Variants in ST6GALNAC3 observed in about 807,000 individuals in gnomAD.
ST6GALNAC3 encodes ST6 N-acetylgalactosaminide alpha-2,6-sialyltransferase 3.
A neutral mutation model predicts 32.7 loss-of-function variants in ST6GALNAC3; 25 were observed. The observed-to-expected ratio is 0.76, with a 90% CI of 0.56 to 1.07. The LOEUF (loss-of-function observed/expected upper bound fraction) is 1.07. ST6GALNAC3 is among the 50% of genes least tolerant of loss of function. ST6GALNAC3 has a pLI of 0.00. For synonymous variants in ST6GALNAC3, 129 were observed against 133.1 expected, an observed-to-expected ratio of 0.97 and a Z score of 0.21; for missense variants, 355 against 382.4, an observed-to-expected ratio of 0.93 and a Z score of 0.60.
In ST6GALNAC3 at chr1:76,632,077, C is replaced by CAT. The variant is rs1200895669; in HGVS notation, c.*3272_*3273dup. ...GTGTGTGTGAACGCACATATATATA[C>CAT]ATCTATATACTTATAACTATATATA... On this transcript the variant is annotated 3_prime_UTR_variant, in exon 5 of 5. Transcript: ENST00000328299. 1 of 151,954 alleles carries CAT rather than the reference C, an allele frequency of 6.6e-6. No individual in the cohort carries two copies. The highest frequency in any genetic ancestry group is 1.5e-5 in the Non-Finnish European group (1 of 67,978). The allele number at this position is 151,954 out of a possible 1,614,324, so 9.4% of individuals were successfully genotyped here.
intron 1 of ST6GALNAC3, among the ~76,000 whole-genome samples, chr1:76,177,113 A>G (rs892291463): frequency 1.3e-5 from 2 of 152,150 alleles, no homozygotes; most frequent in Non-Finnish European, 2.9e-5. Flanking sequence ...TAAGATAGTA[A>G]TTTTTATGTT....
intron 3 of ST6GALNAC3, among the ~76,000 whole-genome samples, chr1:76,618,442 G>A (rs1557631195): frequency 6.6e-6 from 1 of 152,052 alleles, no homozygotes; most frequent in Non-Finnish European, 1.5e-5. Context: ...GTTGTTGTGA[G>A]GATTAAATGA....
chr1:76,123,678 T>C (rs550535390), intron 1 of ST6GALNAC3, among the ~76,000 whole-genome samples: 1 of 151,618 alleles, frequency 6.6e-6, no homozygotes, highest in East Asian at 1.9e-4. Flanking sequence ...GAATACTGAA[T>C]AATAGTGTAA....
At chr1:76,098,329 A>G (rs1647168433) in intron 1 of ST6GALNAC3, among the ~76,000 whole-genome samples, 2 of 152,148 alleles carry the variant, frequency 1.3e-5, no homozygotes, top group South Asian at 4.1e-4. Context: ...CCTATTCTAA[A>G]TCTTTCACAA....
intron 3 of ST6GALNAC3, among the ~76,000 whole-genome samples, chr1:76,534,048 T>C: frequency 6.6e-6 from 1 of 152,108 alleles, no homozygotes; most frequent in East Asian, 1.9e-4. Flanking sequence ...CCTATATCTT[T>C]TTTCTTTTTT....
intron 1 of ST6GALNAC3, among the ~76,000 whole-genome samples, chr1:76,203,651 A>G (rs927069089): frequency 5.9e-5 from 9 of 152,236 alleles, no homozygotes; most frequent in African/African-American, 2.2e-4. Context: ...TGTATTTAGC[A>G]TGTTTATTCA....
intron 1 of ST6GALNAC3, among the ~76,000 whole-genome samples, chr1:76,189,123 CCTT>C (rs1331788505): frequency 6.6e-6 from 1 of 152,196 alleles, no homozygotes; most frequent in African/African-American, 2.4e-5. Flanking sequence ...AAGTCTTACT[CCTT>C]CTTCCCATAG....
chr1:76,411,827 T>C (rs1654258392), intron 2 of ST6GALNAC3, among the ~76,000 whole-genome samples, 181 bp from the exon 3 acceptor site: 1 of 152,156 alleles, frequency 6.6e-6, no homozygotes, highest in African/African-American at 2.4e-5. Context: ...TCTTTTTTAA[T>C]GGAAGCATGC....
intron 3 of ST6GALNAC3, among the ~76,000 whole-genome samples, chr1:76,568,932 G>A (rs1665707066): frequency 6.6e-6 from 1 of 151,958 alleles, no homozygotes; most frequent in African/African-American, 2.4e-5. Context: ...GAAACCTAGG[G>A]GAAAATTGAG....
chr1:76,482,610 A>G (rs1659796359), intron 3 of ST6GALNAC3, among the ~76,000 whole-genome samples: 1 of 152,126 alleles, frequency 6.6e-6, no homozygotes, highest in Non-Finnish European at 1.5e-5. Context: ...TTACTGTAGC[A>G]TTTTTACCCA....
chr1:76,161,695 G>A (rs1029780680), intron 1 of ST6GALNAC3, among the ~76,000 whole-genome samples: 30 of 152,150 alleles, frequency 2.0e-4, no homozygotes, highest in African/African-American at 7.2e-4. Context: ...TCTTTTTACT[G>A]AGGGCTGTTC....
chr1:76,438,250 C>T (rs1656300564), intron 3 of ST6GALNAC3, among the ~76,000 whole-genome samples: 2 of 151,652 alleles, frequency 1.3e-5, no homozygotes, highest in African/African-American at 4.9e-5. Context: ...CTCCCGGGTT[C>T]GCGCCATTCT....
At chr1:76,379,327 C>T (rs1651519551) in intron 2 of ST6GALNAC3, among the ~76,000 whole-genome samples, 1 of 152,124 alleles carries the variant, frequency 6.6e-6, no homozygotes. Context: ...TTGCCAATAT[C>T]CCTAACCCCA....
At chr1:76,274,774 C>T (rs1329275467) in intron 1 of ST6GALNAC3, among the ~76,000 whole-genome samples, 2 of 152,168 alleles carry the variant, frequency 1.3e-5, no homozygotes, top group Non-Finnish European at 2.9e-5. Context: ...ACTCTCTTAT[C>T]ATTTTCCTGA....
chr1:76,082,436 G>T (rs1646909588), intron 1 of ST6GALNAC3, among the ~76,000 whole-genome samples: 1 of 152,096 alleles, frequency 6.6e-6, no homozygotes, highest in Admixed American at 6.6e-5. Flanking sequence ...GAAAAAAGGG[G>T]GTGCTAAACC....
chr1:76,293,302 C>T (rs1420189143), intron 1 of ST6GALNAC3, among the ~76,000 whole-genome samples: 1 of 152,142 alleles, frequency 6.6e-6, no homozygotes, highest in African/African-American at 2.4e-5. Context: ...ATTTGATCAA[C>T]AGTACTGGCA....
chr1:76,607,376 G>A (rs769069928), intron 3 of ST6GALNAC3, among the ~76,000 whole-genome samples: 10 of 152,102 alleles, frequency 6.6e-5, no homozygotes, highest in Non-Finnish European at 1.2e-4. Flanking sequence ...GCTCAATCTT[G>A]AGCTTCTCTC....
chr1:76,268,573 C>T (rs1450544466), intron 1 of ST6GALNAC3, among the ~76,000 whole-genome samples: 2 of 152,172 alleles, frequency 1.3e-5, no homozygotes, highest in African/African-American at 4.8e-5. Context: ...ATTTGATCCC[C>T]AAGTCTCAGA....
intron 1 of ST6GALNAC3, among the ~76,000 whole-genome samples, chr1:76,089,456 C>G (rs192103865): frequency 6.6e-6 from 1 of 152,090 alleles, no homozygotes; most frequent in Non-Finnish European, 1.5e-5. Context: ...TGATTGCACA[C>G]GGGTAATTTC....
Sources: allele counts gnomAD v4.1 joint callset (sites outside exome capture counted in the v4.1 genomes callset), GRCh38; gene constraint gnomAD v4.1.1; transcripts MANE v1.5; gene names NCBI Gene and HGNC (gene_info 2026-07-23, HGNC 2026-07-21).